TRHDE: variants seen among roughly 807,000 people sequenced by gnomAD.
TRHDE encodes the protein thyrotropin releasing hormone degrading enzyme.
In TRHDE, 72 loss-of-function variants were observed where a neutral mutation model predicts 125.7. The ratio of observed to expected loss-of-function variants is 0.57; its 90% CI spans 0.47 to 0.70. The LOEUF (loss-of-function observed/expected upper bound fraction) is 0.70, where lower values mean the gene tolerates loss of function less well. Ranked by LOEUF, TRHDE falls within the 30% of genes least tolerant of loss-of-function variation. TRHDE has a pLI of 0.00. For missense variants in TRHDE, 1,110 were observed against 1,327.1 expected (o/e 0.84, Z 2.54); for synonymous variants, 509 against 509.1 (o/e 1.00, Z 0.00).
intron 3 of TRHDE, among the ~76,000 whole-genome samples, chr12:72,398,739 C>T (rs760158651): frequency 1.3e-5 from 2 of 152,118 alleles, no homozygotes; most frequent in African/African-American, 2.4e-5. Flanking sequence ...ATGAAGACAA[C>T]AAATGGAAGC....
chr12:72,203,007 A>T (rs986792799), intron 2 of TRHDE, among the ~76,000 whole-genome samples: 2 of 151,786 alleles, frequency 1.3e-5, no homozygotes, highest in Admixed American at 1.3e-4. Flanking sequence ...TATTTCTGTA[A>T]TCTCAAGTTT....
intron 18 of TRHDE, among the ~76,000 whole-genome samples, chr12:72,657,459 T>C (rs1874750580): frequency 6.6e-6 from 1 of 152,186 alleles, no homozygotes; most frequent in African/African-American, 2.4e-5. Context: ...TACATAATAA[T>C]ATTGCTTTGT....
chr12:72,307,909 G>T (rs1868373949), intron 2 of TRHDE, among the ~76,000 whole-genome samples: 1 of 152,066 alleles, frequency 6.6e-6, no homozygotes, highest in African/African-American at 2.4e-5. Flanking sequence ...CATTTTATGT[G>T]CACCTGTAAA....
intron 7 of TRHDE, 28 bp from the exon 8 acceptor site, chr12:72,562,137 T>C (rs1381574821): frequency 8.7e-7 from 1 of 1,151,760 alleles, no homozygotes. Context: ...AACCTTTGAA[T>C]TACAATTACA....
chr12:72,311,422 A>G (rs1011523923), intron 2 of TRHDE, among the ~76,000 whole-genome samples: 1 of 152,182 alleles, frequency 6.6e-6, no homozygotes, highest in Non-Finnish European at 1.5e-5. Context: ...GAGTCTACAG[A>G]TGCAGGCTTC....
intron 5 of TRHDE, among the ~76,000 whole-genome samples, chr12:72,490,986 CA>C (rs1877650714): frequency 1.2e-5 from 1 of 82,784 alleles, no homozygotes; most frequent in Non-Finnish European, 2.2e-5. Context: ...GCTCTTGCCA[CA>C]AAACCAAAAA....
chr12:72,369,424 G>A (rs1050768346), intron 2 of TRHDE, among the ~76,000 whole-genome samples: 5 of 152,120 alleles, frequency 3.3e-5, no homozygotes, highest in African/African-American at 1.2e-4. Context: ...GAGAAAGGTC[G>A]CTGAGCAGTT....
intron 1 of TRHDE, among the ~76,000 whole-genome samples, chr12:72,277,379 A>G (rs963417213): frequency 9.9e-5 from 15 of 152,172 alleles, no homozygotes; most frequent in Non-Finnish European, 2.2e-4. Context: ...ACAAACAAGA[A>G]ATTCACTACA....
chr12:72,143,269 ACAAGGAT>A (rs1236504691), intron 2 of TRHDE, among the ~76,000 whole-genome samples: 2 of 152,126 alleles, frequency 1.3e-5, no homozygotes, highest in African/African-American at 4.8e-5. Flanking sequence ...ACATCTTGTG[ACAAGGAT>A]CAGGGAACTC....
intron 1 of TRHDE, among the ~76,000 whole-genome samples, chr12:72,280,723 A>G (rs1371048426): frequency 6.6e-6 from 1 of 152,172 alleles, no homozygotes; most frequent in East Asian, 1.9e-4. Flanking sequence ...CAGTGAGAAT[A>G]GCAGGAACCA....
chr12:72,316,766 G>C (rs1592539679), intron 2 of TRHDE, among the ~76,000 whole-genome samples: 2 of 152,098 alleles, frequency 1.3e-5, no homozygotes, highest in South Asian at 2.1e-4. Context: ...TAAAAAATAA[G>C]AGTGCATTGG....
chr12:72,569,913 G>T (rs542009099), intron 10 of TRHDE, among the ~76,000 whole-genome samples: 12 of 152,106 alleles, frequency 7.9e-5, no homozygotes, highest in Admixed American at 5.9e-4. Flanking sequence ...TTTTGTATTT[G>T]TCTTTTCCTG....
Position 72,653,061 on chromosome 12 carries a change from T to C in TRHDE, c.2889T>C (p.Asp963=). ...SLNSEVVLDQ[D]AIDVIIHVAR... ...ATTCTGAGGTGGTGCTGGATCAAGA[T>C]GCAATTGATGTCATAATCCATGTAG... is the stretch of plus-strand genomic sequence containing the variant. Residue 963 remains aspartate, a synonymous_variant, in exon 17 of 19, where the codon GAT becomes GAC. Transcript: ENST00000261180. 1 of 1,607,874 alleles carries C rather than the reference T, an allele frequency of 6.2e-7. No individual in the cohort carries two copies. The highest frequency in any genetic ancestry group is 1.7e-4 in the Middle Eastern group (1 of 6,036).
chr12:72,283,069 T>C (rs542701630), intron 1 of TRHDE, among the ~76,000 whole-genome samples: 46 of 152,228 alleles, frequency 3.0e-4, no homozygotes, highest in Non-Finnish European at 5.1e-4. Context: ...TTCCCCTTTT[T>C]GTCATGGCTT....
chr12:72,652,467 G>A lies in TRHDE; in HGVS notation c.2821G>A (p.Asp941Asn). The change falls in exon 16 of 19, where the codon GAT (aspartate) becomes AAT (asparagine). Residue 941 changes from aspartate (D) to asparagine (N), a missense_variant. Physicochemically the swap from Asp to Asn is conservative, Grantham distance 23. Coordinates refer to ENST00000261180, the MANE Select transcript of TRHDE (RefSeq NM_013381.3). ...KILLEALTCS[D>N]DRNLLNRLLN... ...ATTATTGGAAGCCTTAACTTGCAGT[G>A]ATGACAGGAATTTATTAAACAGGTA... 1.2e-6 allele frequency: 2 copies of A among 1,606,976 alleles called. No individual in the cohort carries two copies. The highest frequency in any genetic ancestry group is 1.7e-6 in the Non-Finnish European group (2 of 1,176,424).
In TRHDE at chr12:72,380,698, G is replaced by GCTTCCTTCCTTCCTTCCTTCCTTC. The variant is rs199912564; in HGVS notation, c.1315+2589_1315+2612dup. On this transcript the variant is annotated intron_variant, in intron 3 of 18. Transcript: ENST00000261180. ...GATCATGGACCGCCAGCAGGCTGCA[G>GCTTCCTTCCTTCCTTCCTTCCTTC]CTTCCTTCCTTCCTTCCTTCCTTCC... Among the ~76,000 whole-genome samples the GCTTCCTTCCTTCCTTCCTTCCTTC allele has an allele frequency of 2.3e-4, 30 of 132,038 alleles. 1 individual carries two copies. The highest frequency in any genetic ancestry group is 9.9e-4 in the African/African-American group (29 of 29,338). The allele number at this position is 132,038 out of a possible 152,430, so 86.6% of individuals were successfully genotyped here. A position where few individuals can be genotyped will look rare whatever the true frequency, so the allele number is the denominator to read the frequency against.
At chr12:72,487,123 A>G (rs1021766139) in intron 5 of TRHDE, among the ~76,000 whole-genome samples, 3 of 152,134 alleles carry the variant, frequency 2.0e-5, no homozygotes, top group Non-Finnish European at 2.9e-5. Flanking sequence ...AAAATTAAAA[A>G]CTGTAGATAG....
At chr12:72,108,702 T>C (rs1376193504) in intron 2 of TRHDE, among the ~76,000 whole-genome samples, 1 of 152,006 alleles carries the variant, frequency 6.6e-6, no homozygotes, top group African/African-American at 2.4e-5. Flanking sequence ...ATTAAACCCA[T>C]GGTAATTAGC....
intron 2 of TRHDE, among the ~76,000 whole-genome samples, chr12:72,312,821 T>C (rs1868609417): frequency 6.6e-6 from 1 of 152,186 alleles, no homozygotes; most frequent in Non-Finnish European, 1.5e-5. Flanking sequence ...AGTAATAAAG[T>C]AGTGACCTAT....
Sources: gnomAD v4.1 joint callset for allele counts (sites outside exome capture counted in the v4.1 genomes callset) on GRCh38, gnomAD v4.1.1 for gene constraint, MANE v1.5 for transcripts, NCBI Gene and HGNC (gene_info 2026-07-23, HGNC 2026-07-21) for gene names.